The following CDH18 variants were observed in gnomAD, a reference collection of about 807,000 sequenced individuals.
CDH18 encodes cadherin 18.
Under a neutral mutation model 67.9 loss-of-function variants are expected in CDH18, and 31 were observed. The ratio of observed to expected loss-of-function variants is 0.46; its 90% CI spans 0.34 to 0.62. CDH18 has a LOEUF of 0.62. CDH18 is among the 20% of genes least tolerant of loss of function. The probability of loss-of-function intolerance (pLI) is 0.01; values close to 1 mark genes in which losing one functional copy is unlikely to be tolerated. For missense variants in CDH18, 890 were observed against 975.5 expected (o/e 0.91, Z 1.17); for synonymous variants, 362 against 347.2 (o/e 1.04, Z -0.48).
At chr5:20,153,563 G>A (rs776283889) in intron 2 of CDH18, among the ~76,000 whole-genome samples, 24 of 152,132 alleles carry the variant, frequency 1.6e-4, no homozygotes, top group Non-Finnish European at 3.1e-4. Context: ...TTCCATCACA[G>A]AATACTATAC....
At chr5:19,981,581 T>C (rs540460306) in intron 1 of CDH18, among the ~76,000 whole-genome samples, 10 of 152,304 alleles carry the variant, frequency 6.6e-5, no homozygotes, top group Admixed American at 2.6e-4. Flanking sequence ...GTAATTCACA[T>C]CCTTATGACC....
At chr5:20,176,449 T>C (rs181933539) in intron 2 of CDH18, among the ~76,000 whole-genome samples, 32 of 152,338 alleles carry the variant, frequency 2.1e-4, no homozygotes, top group Admixed American at 9.2e-4. Context: ...TTGCTTCTAA[T>C]GACTGCATAG....
At chr5:20,455,968 T>A (rs1750808202) in intron 1 of CDH18, among the ~76,000 whole-genome samples, 1 of 152,114 alleles carries the variant, frequency 6.6e-6, no homozygotes, top group South Asian at 2.1e-4. Flanking sequence ...GCTGATAACC[T>A]TTGTTTTGAT....
chr5:19,980,980 C>G (rs1798974010), intron 2 of CDH18, 80 bp downstream of exon 2: 1 of 152,176 alleles, frequency 6.6e-6, no homozygotes. Flanking sequence ...CCTTTCACAT[C>G]ACTTTCCCCC....
At chr5:20,410,536 C>A in intron 1 of CDH18, among the ~76,000 whole-genome samples, 1 of 151,392 alleles carries the variant, frequency 6.6e-6, no homozygotes, top group Non-Finnish European at 1.5e-5. Flanking sequence ...GCAAAAAGGC[C>A]AAGAGTAACA....
intron 7 of CDH18, among the ~76,000 whole-genome samples, chr5:19,578,783 T>G (rs1469415811): frequency 6.6e-6 from 1 of 151,860 alleles, no homozygotes; most frequent in African/African-American, 2.4e-5. Context: ...TTCCTAGAAA[T>G]TCTGCAATTT....
At chr5:20,482,174 C>A (rs6869209) in intron 1 of CDH18, among the ~76,000 whole-genome samples, 1 of 151,624 alleles carries the variant, frequency 6.6e-6, no homozygotes, top group African/African-American at 2.4e-5. Flanking sequence ...TGCCAACCAA[C>A]TAAAAAATCT....
intron 1 of CDH18, among the ~76,000 whole-genome samples, chr5:20,329,656 G>C (rs1419587567): frequency 6.6e-6 from 1 of 150,392 alleles, no homozygotes; most frequent in Non-Finnish European, 1.5e-5. Flanking sequence ...TGTAATCCCA[G>C]CTACTTGGGA....
At chr5:19,501,635 C>T (rs550719842) in intron 11 of CDH18, among the ~76,000 whole-genome samples, 3 of 151,754 alleles carry the variant, frequency 2.0e-5, no homozygotes, top group African/African-American at 7.2e-5. Context: ...ATCTTCAAAT[C>T]GAAGTCAAAT....
At chr5:19,755,080 C>T (rs1247836628) in intron 3 of CDH18, among the ~76,000 whole-genome samples, 1 of 151,598 alleles carries the variant, frequency 6.6e-6, no homozygotes, top group East Asian at 2.0e-4. Flanking sequence ...AACTGACAAT[C>T]TAAGGTCATG....
intron 4 of CDH18, among the ~76,000 whole-genome samples, chr5:19,730,397 T>C (rs1246803635): frequency 1.3e-5 from 2 of 152,226 alleles, no homozygotes; most frequent in African/African-American, 4.8e-5. Context: ...GGTTAGGTTC[T>C]ATATTTGATG....
intron 2 of CDH18, among the ~76,000 whole-genome samples, chr5:19,879,798 T>G (rs1400262653): frequency 2.0e-5 from 3 of 152,004 alleles, no homozygotes; most frequent in Non-Finnish European, 4.4e-5. Flanking sequence ...AGTTGGAGTC[T>G]CCTAGTTTGG....
At chr5:20,562,322 C>T (rs1348163166) in intron 1 of CDH18, among the ~76,000 whole-genome samples, 2 of 151,696 alleles carry the variant, frequency 1.3e-5, no homozygotes, top group East Asian at 1.9e-4. Context: ...CAAAGGAATA[C>T]AGGATATTAT....
At chr5:19,778,373 AAC>A (rs1281799547) in intron 3 of CDH18, among the ~76,000 whole-genome samples, 1 of 152,220 alleles carries the variant, frequency 6.6e-6, no homozygotes, top group Non-Finnish European at 1.5e-5. Flanking sequence ...AAGATGAATT[AAC>A]AGTGTCTTTA....
intron 11 of CDH18, among the ~76,000 whole-genome samples, chr5:19,501,070 T>C (rs1356685712): frequency 6.6e-6 from 1 of 151,338 alleles, no homozygotes; most frequent in Non-Finnish European, 1.5e-5. Flanking sequence ...GAGCTGGAGG[T>C]TGCAGTGAGC....
chr5:19,781,013 G>C (rs998526530), intron 3 of CDH18, among the ~76,000 whole-genome samples: 2 of 152,024 alleles, frequency 1.3e-5, no homozygotes, highest in African/African-American at 4.8e-5. Context: ...TAGAAGCAAA[G>C]AAAAACTCAC....
intron 2 of CDH18, among the ~76,000 whole-genome samples, chr5:20,190,447 C>T (rs968616031): frequency 3.3e-5 from 5 of 152,088 alleles, no homozygotes; most frequent in Non-Finnish European, 7.4e-5. Context: ...ATACTCTTAA[C>T]AGTGCAACAG....
chr5:20,091,570 G>C (rs564786481), intron 2 of CDH18, among the ~76,000 whole-genome samples: 1 of 151,960 alleles, frequency 6.6e-6, no homozygotes, highest in African/African-American at 2.4e-5. Flanking sequence ...ATTTAAATAT[G>C]GCCATCATAA....
intron 5 of CDH18, among the ~76,000 whole-genome samples, chr5:19,666,159 T>C (rs962577723): frequency 2.0e-5 from 3 of 151,358 alleles, no homozygotes; most frequent in Non-Finnish European, 4.4e-5. Flanking sequence ...AGCCTCAGCC[T>C]CTGGGGTTCA....
Sources: gnomAD v4.1 joint callset for allele counts (sites outside exome capture counted in the v4.1 genomes callset) on GRCh38, gnomAD v4.1.1 for gene constraint, MANE v1.5 for transcripts, NCBI Gene and HGNC (gene_info 2026-07-23, HGNC 2026-07-21) for gene names.